SH3BP5: variants seen among roughly 807,000 people sequenced by gnomAD.
SH3BP5 encodes SH3 domain binding protein 5.
Under a neutral mutation model 43.3 loss-of-function variants are expected in SH3BP5, and 22 were observed. The observed-to-expected ratio is 0.51, with a 90% CI of 0.36 to 0.73. The LOEUF is 0.73. Ranked by LOEUF, SH3BP5 falls within the 30% of genes least tolerant of loss-of-function variation. The pLI is 0.00. For missense variants in SH3BP5, 529 were observed against 586.9 expected (o/e 0.90, Z 1.02); for synonymous variants, 255 against 225.8 (o/e 1.13, Z -1.16).
chr3:15,324,066 G>T (rs961401013), intron 2 of SH3BP5, among the ~76,000 whole-genome samples: 1 of 152,154 alleles, frequency 6.6e-6, no homozygotes, highest in Non-Finnish European at 1.5e-5. Context: ...CTGAAGAGAC[G>T]CAAAGACCAC....
chr3:15,332,072 C>A, intron 1 of SH3BP5, 199 bp downstream of exon 1: 1 of 835,994 alleles, frequency 1.2e-6, no homozygotes, highest in Admixed American at 2.8e-5. Context: ...TAGAGTCAGG[C>A]CGCATCCACG....
intron 2 of SH3BP5, among the ~76,000 whole-genome samples, chr3:15,306,602 C>A (rs1697914193): frequency 6.6e-6 from 1 of 152,190 alleles, no homozygotes. Flanking sequence ...GGAGACTCAA[C>A]ACCCACCTGC....
chr3:15,273,424 A>G, intron 3 of SH3BP5: 1 of 985,312 alleles, frequency 1.0e-6, no homozygotes, highest in Non-Finnish European at 1.2e-6. Flanking sequence ...GAAAAGAGGA[A>G]GCCCATGTGA....
chr3:15,320,554 G>A (rs1698296263), intron 2 of SH3BP5, among the ~76,000 whole-genome samples: 1 of 149,190 alleles, frequency 6.7e-6, no homozygotes, highest in African/African-American at 2.5e-5. Context: ...AAGTTACCTG[G>A]GCTGCCTGCC....
At chr3:15,327,348 C>T (rs1698490203) in intron 2 of SH3BP5, among the ~76,000 whole-genome samples, 1 of 151,988 alleles carries the variant, frequency 6.6e-6, no homozygotes. Flanking sequence ...TGCAGTGAGC[C>T]GAGATCACGC....
intron 2 of SH3BP5, among the ~76,000 whole-genome samples, chr3:15,326,571 C>G (rs1435037889): frequency 6.6e-6 from 1 of 152,228 alleles, no homozygotes; most frequent in South Asian, 2.1e-4. Context: ...CAATTCCATA[C>G]TTGTGAATTC....
chr3:15,286,667 C>A (rs1386100783), intron 3 of SH3BP5, among the ~76,000 whole-genome samples: 1 of 152,192 alleles, frequency 6.6e-6, no homozygotes, highest in South Asian at 2.1e-4. Context: ...GATCCCACCA[C>A]CTTAGCCTCC....
chr3:15,265,136 G>C (rs1354644284), intron 4 of SH3BP5, among the ~76,000 whole-genome samples: 1 of 152,056 alleles, frequency 6.6e-6, no homozygotes, highest in Non-Finnish European at 1.5e-5. Flanking sequence ...GAAGTGGCCA[G>C]CACATCACTG....
chr3:15,309,232 G>A (rs1400204637), intron 2 of SH3BP5, among the ~76,000 whole-genome samples: 3 of 152,194 alleles, frequency 2.0e-5, no homozygotes, highest in Admixed American at 6.5e-5. Flanking sequence ...ATAGTTAACT[G>A]GCTAGGGGAG....
upstream of SH3BP5, among the ~76,000 whole-genome samples, chr3:15,337,235 C>T (rs114690932): frequency 6.1e-3 from 921 of 151,826 alleles, 10 homozygotes; most frequent in African/African-American, 0.021. Context: ...TAGGCGCCTG[C>T]CACCACACCC....
intron 4 of SH3BP5, among the ~76,000 whole-genome samples, chr3:15,264,726 C>A (rs1696573182): frequency 6.6e-6 from 1 of 152,064 alleles, no homozygotes; most frequent in Non-Finnish European, 1.5e-5. Flanking sequence ...AGATATTTCA[C>A]AAGGAAACAA....
intron 2 of SH3BP5, among the ~76,000 whole-genome samples, chr3:15,309,091 A>C (rs1308364378): frequency 6.6e-6 from 1 of 152,218 alleles, no homozygotes; most frequent in Non-Finnish European, 1.5e-5. Context: ...AAAGAGACAA[A>C]ACCTCATCTT....
intron 4 of SH3BP5, among the ~76,000 whole-genome samples, chr3:15,265,045 T>C (rs1696583232): frequency 6.6e-6 from 1 of 151,900 alleles, no homozygotes; most frequent in African/African-American, 2.4e-5. Flanking sequence ...GCCTCTAGGC[T>C]GCAAGCAGAA....
At chr3:15,294,560 T>G (rs1316824171) in intron 3 of SH3BP5, among the ~76,000 whole-genome samples, 1 of 152,086 alleles carries the variant, frequency 6.6e-6, no homozygotes, top group Non-Finnish European at 1.5e-5. Flanking sequence ...TCTCTTAGAT[T>G]AGGCCACAAC....
intron 2 of SH3BP5, among the ~76,000 whole-genome samples, chr3:15,317,087 C>T (rs1436015487): frequency 6.6e-6 from 1 of 152,228 alleles, no homozygotes; most frequent in African/African-American, 2.4e-5. Flanking sequence ...ACTGCAAGAC[C>T]TACGATTTTC....
intron 3 of SH3BP5, among the ~76,000 whole-genome samples, chr3:15,292,674 C>T (rs1055608083): frequency 6.6e-6 from 1 of 152,120 alleles, no homozygotes; most frequent in Non-Finnish European, 1.5e-5. Flanking sequence ...CATGGAGAAA[C>T]CCCATCTCTA....
At chr3:15,314,735 G>A (rs1698144946) in intron 2 of SH3BP5, among the ~76,000 whole-genome samples, 1 of 152,210 alleles carries the variant, frequency 6.6e-6, no homozygotes, top group Non-Finnish European at 1.5e-5. Flanking sequence ...GAAAGGAATG[G>A]AATAGGAAGA....
At chr3:15,279,265 G>A (rs1274180355) in intron 3 of SH3BP5, among the ~76,000 whole-genome samples, 1 of 152,146 alleles carries the variant, frequency 6.6e-6, no homozygotes, top group Non-Finnish European at 1.5e-5. Flanking sequence ...TGTACAGTCT[G>A]AGCCATTATC....
At chr3:15,265,991 G>A (rs1696633140) in intron 4 of SH3BP5, among the ~76,000 whole-genome samples, 3 of 152,148 alleles carry the variant, frequency 2.0e-5, no homozygotes, top group African/African-American at 4.8e-5. Context: ...TGGCCCAACC[G>A]GCTTAGTAGA....
Sources: gnomAD v4.1 joint callset for allele counts (sites outside exome capture counted in the v4.1 genomes callset) on GRCh38, gnomAD v4.1.1 for gene constraint, MANE v1.5 for transcripts, NCBI Gene and HGNC (gene_info 2026-07-23, HGNC 2026-07-21) for gene names.